The following ZNF215 variants were observed in gnomAD, a reference collection of about 807,000 sequenced individuals.
ZNF215 encodes the protein zinc finger protein 215.
A neutral mutation model predicts 27.2 loss-of-function variants in ZNF215; 24 were observed. That is an observed-to-expected ratio of 0.88 (90% confidence interval 0.64 to 1.24). The LOEUF is 1.24. Ranked by LOEUF, ZNF215 falls within the 50% of genes most tolerant of loss-of-function variation. ZNF215 has a pLI of 0.00. For missense variants in ZNF215, 675 were observed against 605.7 expected, an observed-to-expected ratio of 1.11 and a Z score of -1.20; for synonymous variants, 210 against 204.0, an observed-to-expected ratio of 1.03 and a Z score of -0.25.
intron 5 of ZNF215, among the ~76,000 whole-genome samples, chr11:6,982,250 C>T (rs2133356009): frequency 1.3e-5 from 2 of 152,034 alleles, no homozygotes; most frequent in Non-Finnish European, 2.9e-5. Flanking sequence ...CACCCAGATT[C>T]ATAAAGCAAG....
downstream of ZNF215, among the ~76,000 whole-genome samples, chr11:6,992,996 C>G (rs1360055618): frequency 6.6e-6 from 1 of 152,190 alleles, no homozygotes; most frequent in African/African-American, 2.4e-5. Flanking sequence ...GTCCCGGTAT[C>G]ACATAACAAT....
intron 6 of ZNF215, among the ~76,000 whole-genome samples, chr11:6,955,342 G>C (rs1181643507): frequency 6.6e-6 from 1 of 152,172 alleles, no homozygotes; most frequent in Non-Finnish European, 1.5e-5. Context: ...CAAGATGCTA[G>C]AAGAAGGAAT....
chr11:6,975,713 G>A (rs1850820640), intron 5 of ZNF215, among the ~76,000 whole-genome samples: 1 of 152,032 alleles, frequency 6.6e-6, no homozygotes, highest in South Asian at 2.1e-4. Flanking sequence ...TTACGCCATT[G>A]TATATATGTA....
At chr11:6,990,387 T>G (rs1851103605), downstream of ZNF215, among the ~76,000 whole-genome samples, 1 of 152,188 alleles carries the variant, frequency 6.6e-6, no homozygotes, top group African/African-American at 2.4e-5. Context: ...GAGCTGTGTA[T>G]GGAATATGCT....
At chr11:6,934,025 A>C (rs1225741090) in intron 3 of ZNF215, among the ~76,000 whole-genome samples, 5 of 152,170 alleles carry the variant, frequency 3.3e-5, no homozygotes, top group Non-Finnish European at 7.3e-5. Context: ...CTTATAAGAC[A>C]TGAGGCCATG....
intron 2 of ZNF215, among the ~76,000 whole-genome samples, chr11:6,929,123 C>G (rs557539475): frequency 6.6e-6 from 1 of 152,310 alleles, no homozygotes; most frequent in Non-Finnish European, 1.5e-5. Context: ...CTTTTCCTCC[C>G]CTGGCCATGA....
intron 6 of ZNF215, among the ~76,000 whole-genome samples, chr11:6,949,619 A>G (rs1176428984): frequency 1.3e-5 from 2 of 152,006 alleles, no homozygotes; most frequent in African/African-American, 4.8e-5. Context: ...TTCATTGTAG[A>G]TTCTGGATAT....
downstream of ZNF215, among the ~76,000 whole-genome samples, chr11:6,989,971 G>A (rs1277906824): frequency 6.6e-6 from 1 of 152,114 alleles, no homozygotes; most frequent in Non-Finnish European, 1.5e-5. Context: ...ATCAAATTGA[G>A]CTCTGGCATC....
rs145277807 is a variant in ZNF215 at position 6,956,235 on chromosome 11, A to G, written c.1258A>G (p.Thr420Ala). 5.0e-6 allele frequency: 8 copies of G among 1,613,700 alleles called. No homozygotes were observed. The highest frequency in any genetic ancestry group is 1.7e-5 in the Admixed American group (1 of 59,970). ...SECGRFFNRR[T>A]NLTKHQKLHA... ...ATGTGGGAGATTCTTCAACCGACGT[A>G]CAAACCTTACTAAGCATCAAAAACT... Residue 420 changes from threonine to alanine, a missense_variant, in exon 7 of 7, where the codon ACA becomes GCA. Thr to Ala is a moderately conservative substitution (Grantham distance 58, BLOSUM62 0). Coordinates refer to ENST00000278319, the MANE Select transcript of ZNF215 (RefSeq NM_013250.4).
chr11:6,964,818 T>A (rs2133324945), intron 5 of ZNF215, among the ~76,000 whole-genome samples: 1 of 152,172 alleles, frequency 6.6e-6, no homozygotes, highest in South Asian at 2.1e-4. Context: ...TCTAAAGATC[T>A]TCTTTTGTAT....
Position 6,951,022 on chromosome 11 carries a change from T to A in ZNF215, c.713-4668T>A, listed in dbSNP as rs574598732. Among the ~76,000 whole-genome samples, 19 of 152,272 alleles carry A rather than the reference T, an allele frequency of 1.2e-4. No homozygotes were observed. The East Asian group carries it at 3.7e-3, about 29-fold the overall frequency. On this transcript the variant is annotated intron_variant, in intron 6 of 6. Coordinates refer to ENST00000278319, the MANE Select transcript of ZNF215 (RefSeq NM_013250.4). The stretch of plus-strand genomic sequence containing the variant: ...GTTTTTGTCTTTGGTTCTGTTTATA[T>A]GCTGGATTACATTTATTGATTTGCG...
intron 6 of ZNF215, among the ~76,000 whole-genome samples, chr11:6,953,158 GC>G (rs1249526077): frequency 6.6e-6 from 1 of 152,120 alleles, no homozygotes; most frequent in African/African-American, 2.4e-5. Flanking sequence ...CTCTCTGGCT[GC>G]CCTTAACATT....
In ZNF215 at chr11:6,932,631, T is replaced by C; in HGVS notation, c.359T>C (p.Val120Ala). The part of the protein sequence containing the change: ...LQHPNNSKDM[V>A]TLIEDVIEML... Reference sequence around the variant, plus strand: ...CATCCAAACAACAGTAAAGATATGGTGACCCTCATAGAAGATGTGATTGAA... The same window carrying C: ...CATCCAAACAACAGTAAAGATATGGCGACCCTCATAGAAGATGTGATTGAA... The change falls in exon 3 of 7, where the codon GTG (valine) becomes GCG (alanine). Residue 120 changes from valine to alanine, a missense_variant. Coordinates refer to ENST00000278319, the MANE Select transcript of ZNF215 (RefSeq NM_013250.4). The C allele has an allele frequency of 6.2e-7, 1 of 1,613,952 alleles. No homozygotes were observed. Among genetic ancestry groups the C allele is most frequent in the Non-Finnish European group, 8.5e-7 (1 of 1,179,944 alleles).
At position 6,956,524 on chromosome 11, in the gene ZNF215, A is replaced by C. The variant is rs773004782; in HGVS notation, c.1547A>C (p.Lys516Thr). ...CATCAAAAACTGCATACTCGAGATA[A>C]GTCCTGAAAAAAGAAAAAATGAAAG... is the stretch of plus-strand genomic sequence containing the variant. ...VKHQKLHTRDKS is the reference protein window; with the variant it reads ...VKHQKLHTRDTS The change falls in exon 7 of 7, where the codon AAG (lysine) becomes ACG (threonine). Residue 516 changes from lysine (K) to threonine (T), a missense_variant. Coordinates refer to ENST00000278319, the MANE Select transcript of ZNF215 (RefSeq NM_013250.4). 6.4e-7 allele frequency: 1 copy of C among 1,563,628 alleles called. No homozygotes were observed. Among genetic ancestry groups the C allele is most frequent in the Non-Finnish European group, 8.6e-7 (1 of 1,160,542 alleles).
chr11:6,933,794 CAAAA>C (rs55667332), intron 3 of ZNF215, among the ~76,000 whole-genome samples: 1 of 87,928 alleles, frequency 1.1e-5, no homozygotes. Context: ...GACTCCATCT[CAAAA>C]AAAAAAAAAA....
At chr11:6,989,867 C>T (rs981864551), downstream of ZNF215, among the ~76,000 whole-genome samples, 4 of 152,130 alleles carry the variant, frequency 2.6e-5, no homozygotes, top group Admixed American at 1.3e-4. Context: ...CCCAGATAAA[C>T]CAAGCCTGCA....
At chr11:6,931,347 C>G (rs1164537270) in intron 2 of ZNF215, among the ~76,000 whole-genome samples, 2 of 152,136 alleles carry the variant, frequency 1.3e-5, no homozygotes, top group African/African-American at 2.4e-5. Context: ...GTTTATGGGT[C>G]TCATCTCCCT....
At chr11:6,971,056 G>A (rs1170326883) in intron 5 of ZNF215, among the ~76,000 whole-genome samples, 1 of 151,512 alleles carries the variant, frequency 6.6e-6, no homozygotes, top group African/African-American at 2.4e-5. Context: ...TCATGTGGAG[G>A]AAATACCCCT....
At chr11:6,968,525 CT>C (rs74781650) in intron 5 of ZNF215, among the ~76,000 whole-genome samples, 1,635 of 137,756 alleles carry the variant, frequency 0.012, 18 homozygotes, top group African/African-American at 0.032. Flanking sequence ...TATATGGAGC[CT>C]TTTTTTTTTT....
Sources: allele counts gnomAD v4.1 joint callset (sites outside exome capture counted in the v4.1 genomes callset), GRCh38; gene constraint gnomAD v4.1.1; transcripts MANE v1.5; gene names NCBI Gene and HGNC (gene_info 2026-07-23, HGNC 2026-07-21).